Variants in RIC8B observed in about 807,000 individuals in gnomAD.
RIC8B encodes chaperone Ric-8B.
RIC8B carries 16 observed loss-of-function variants against 57.5 expected under a neutral mutation model. The observed-to-expected ratio is 0.28, with a 90% confidence interval of 0.19 to 0.42. RIC8B has a LOEUF of 0.42. Ranked by LOEUF, RIC8B falls within the 10% of genes least tolerant of loss-of-function variation. The pLI is 1.00. For missense variants in RIC8B, 481 were observed against 677.0 expected (o/e 0.71, Z 3.21); for synonymous variants, 216 against 250.8 (o/e 0.86, Z 1.31).
chr12:106,788,152 G>C (rs893432191), intron 2 of RIC8B, among the ~76,000 whole-genome samples: 1 of 152,164 alleles, frequency 6.6e-6, no homozygotes, highest in African/African-American at 2.4e-5. Flanking sequence ...ATCCAGCAGG[G>C]CAGTAAAATT....
intron 6 of RIC8B, among the ~76,000 whole-genome samples, chr12:106,846,172 A>T (rs1382064691): frequency 6.6e-6 from 1 of 152,160 alleles, no homozygotes; most frequent in African/African-American, 2.4e-5. Flanking sequence ...TTATACAGTG[A>T]ACTGCCGACT....
chr12:106,809,054 G>A (rs1408789980), intron 2 of RIC8B, among the ~76,000 whole-genome samples: 1 of 151,976 alleles, frequency 6.6e-6, no homozygotes, highest in Admixed American at 6.6e-5. Context: ...TGCACGGTGT[G>A]GAGGGAAAAA....
intron 1 of RIC8B, among the ~76,000 whole-genome samples, chr12:106,781,770 C>G (rs1039890349): frequency 1.3e-5 from 2 of 152,142 alleles, no homozygotes; most frequent in Admixed American, 1.3e-4. Flanking sequence ...GTTATATTAA[C>G]AAGTAGGTAC....
rs898986331 is a variant in RIC8B, at chr12:106,851,053, G to C, written c.1162-397G>C. The stretch of plus-strand genomic sequence containing the variant: ...ATACTGAAAATGTTGGAGGACTCAA[G>C]AGAAGGTAAAAATCAGTATGACTCG... On this transcript the variant is annotated intron_variant, in intron 6 of 9. Transcript: ENST00000392837. 2.0e-5 allele frequency among the ~76,000 whole-genome samples: 3 copies of C among 152,148 alleles called. No individual in the cohort carries two copies. The East Asian group carries it at 5.8e-4, about 29-fold the overall frequency.
chr12:106,805,195 T>G (rs936776289), intron 2 of RIC8B, among the ~76,000 whole-genome samples: 2 of 152,328 alleles, frequency 1.3e-5, no homozygotes, highest in Non-Finnish European at 2.9e-5. Context: ...CTGCCAGCTT[T>G]AGGAAGCAAG....
At chr12:106,835,512 C>T (rs1346982273) in intron 4 of RIC8B, among the ~76,000 whole-genome samples, 1 of 152,180 alleles carries the variant, frequency 6.6e-6, no homozygotes, top group African/African-American at 2.4e-5. Flanking sequence ...CCACATCAAC[C>T]TGGTAAGTTT....
intron 9 of RIC8B, among the ~76,000 whole-genome samples, chr12:106,875,282 A>T (rs1347450968): frequency 6.6e-6 from 1 of 152,172 alleles, no homozygotes; most frequent in Non-Finnish European, 1.5e-5. Flanking sequence ...ACATTTTTTA[A>T]TGTGAGGGCA....
chr12:106,862,117 A>G (rs921088811), intron 8 of RIC8B, among the ~76,000 whole-genome samples: 1 of 152,088 alleles, frequency 6.6e-6, no homozygotes, highest in African/African-American at 2.4e-5. Flanking sequence ...GCTCTCTGTC[A>G]TGGAAAGTTT....
At chr12:106,778,286 T>C (rs766351577) in intron 1 of RIC8B, among the ~76,000 whole-genome samples, 4 of 152,244 alleles carry the variant, frequency 2.6e-5, no homozygotes, top group African/African-American at 4.8e-5. Flanking sequence ...CTGTGTTATA[T>C]AGATTCTCAT....
chr12:106,879,296 G>C lies in RIC8B; in HGVS notation c.1572-6608G>C. 1.0e-6 allele frequency: 1 copy of C among 985,344 alleles called. No individual in the cohort carries two copies. Among genetic ancestry groups the C allele is most frequent in the Non-Finnish European group, 1.2e-6 (1 of 829,898 alleles). The allele number at this position is 985,344 out of a possible 1,614,324, so 61.0% of individuals were successfully genotyped here. A position where few individuals can be genotyped will look rare whatever the true frequency, so the allele number is the denominator to read the frequency against. ...GAGTATTCTCTTGCTTTCAGGTCAA[G>C]TAAAGTGTTTTATACACATACACGT... On this transcript the variant is annotated intron_variant, in intron 9 of 9. Transcript: ENST00000392837. This position sits in a 1 kb window ranked among gnomAD's most constrained non-coding sequence, Gnocchi z 4.9.
intron 6 of RIC8B, among the ~76,000 whole-genome samples, chr12:106,847,058 T>C (rs1430421384): frequency 6.6e-6 from 1 of 152,174 alleles, no homozygotes; most frequent in Non-Finnish European, 1.5e-5. Flanking sequence ...ATCCAACTCA[T>C]GCCTATCCAA....
intron 7 of RIC8B, among the ~76,000 whole-genome samples, chr12:106,852,915 G>A (rs1359505814): frequency 2.6e-5 from 4 of 152,184 alleles, no homozygotes; most frequent in South Asian, 2.1e-4. Flanking sequence ...GAATTGATTC[G>A]AGATCGGAAA....
In RIC8B at chr12:106,815,125, GGACTAC is replaced by G; in HGVS notation, c.563_568del (p.Gly188_Pro190delinsAla). 2 of 1,614,154 alleles carry G rather than the reference GGACTAC, an allele frequency of 1.2e-6. No individual in the cohort carries two copies. The highest frequency in any genetic ancestry group is 1.7e-6 in the Non-Finnish European group (2 of 1,180,018). ...GTCACAATTGCGCTATGAGCTCCAG[GGACTAC>G]CGCTGCTAACGCAGATCTTGGAAAG... On this transcript the variant is annotated inframe_deletion, in exon 3 of 10. Transcript: ENST00000392837.
intron 2 of RIC8B, among the ~76,000 whole-genome samples, chr12:106,792,531 T>C (rs1177775132): frequency 6.6e-6 from 1 of 152,158 alleles, no homozygotes; most frequent in Non-Finnish European, 1.5e-5. Flanking sequence ...TCTACAGATC[T>C]GCTCCCTAAT....
intron 3 of RIC8B, among the ~76,000 whole-genome samples, chr12:106,816,320 T>C (rs546636598): frequency 1.3e-5 from 2 of 152,190 alleles, no homozygotes; most frequent in Admixed American, 1.3e-4. Context: ...TGCATTGTTA[T>C]AGGGGGAATA....
At chr12:106,836,105 TG>T (rs1487337448) in intron 4 of RIC8B, among the ~76,000 whole-genome samples, 1 of 152,238 alleles carries the variant, frequency 6.6e-6, no homozygotes, top group Non-Finnish European at 1.5e-5. Context: ...TCATCTTACT[TG>T]ATCTGTCAGC....
chr12:106,829,691 A>G (rs192273870), intron 4 of RIC8B, among the ~76,000 whole-genome samples: 6 of 152,112 alleles, frequency 3.9e-5, no homozygotes, highest in Non-Finnish European at 5.9e-5. Flanking sequence ...TGGTGGTTCT[A>G]TTTATAATGT....
chr12:106,846,136 C>T (rs990111198), intron 6 of RIC8B, among the ~76,000 whole-genome samples: 1 of 152,136 alleles, frequency 6.6e-6, no homozygotes, highest in Non-Finnish European at 1.5e-5. Context: ...TATCTCCAGC[C>T]CTGACCTGTC....
Position 106,815,028 on chromosome 12 carries a change from A to G in RIC8B, c.465A>G (p.Lys155=). The change falls in exon 3 of 10, where the codon AAA becomes AAG. Residue 155 remains lysine (K), a synonymous_variant. Transcript: ENST00000392837. ...TCCTGAGAAAGTGCAAGGACCGGAA[A>G]TTTATCAATGACATTAAGTGCTTTG... ...CNLLRKCKDR[K]FINDIKCFDL... 1 of 1,614,230 alleles carries G rather than the reference A, an allele frequency of 6.2e-7. No homozygotes were observed. Among genetic ancestry groups the G allele is most frequent in the South Asian group, 1.1e-5 (1 of 91,086 alleles).
Sources: allele counts gnomAD v4.1 joint callset (sites outside exome capture counted in the v4.1 genomes callset), GRCh38; gene constraint gnomAD v4.1.1; non-coding constraint Gnocchi (gnomAD v3.1); transcripts MANE v1.5; gene names NCBI Gene and HGNC (gene_info 2026-07-23, HGNC 2026-07-21).